The following RBFOX1 variants were observed in gnomAD, a reference collection of about 807,000 sequenced individuals.
RBFOX1 encodes RNA binding fox-1 homolog 1.
In RBFOX1, 8 loss-of-function variants were observed where a neutral mutation model predicts 57.7. The ratio of observed to expected loss-of-function variants is 0.14; its 90% CI spans 0.08 to 0.25. RBFOX1 has a LOEUF of 0.25. Among genes scored for constraint, RBFOX1 ranks in the 10% least tolerant of loss-of-function variants. The pLI, the probability that RBFOX1 is intolerant of heterozygous loss-of-function variation, is 1.00. For synonymous variants in RBFOX1, 326 were observed against 222.4 expected (o/e 1.47, Z -4.15); for missense variants, 611 against 548.5 (o/e 1.11, Z -1.14).
chr16:6,941,568 A>T lies in RBFOX1; in HGVS notation c.-15-110489A>T, dbSNP rs1352323046. ...CACACCTGTCCACCAAGAGACTTGA[A>T]ATTCCAACAGGGAATCTCCTCTACC... On this transcript the variant is annotated intron_variant, in intron 3 of 15. Transcript: ENST00000550418. 2.0e-5 allele frequency among the ~76,000 whole-genome samples: 3 copies of T among 151,818 alleles called. No individual in the cohort carries two copies. The East Asian group carries it at 5.8e-4, about 30-fold the overall frequency.
At chr16:5,756,945 A>G (rs1038017693) in intron 3 of RBFOX1, among the ~76,000 whole-genome samples, 26 of 152,238 alleles carry the variant, frequency 1.7e-4, no homozygotes, top group African/African-American at 6.3e-4. Flanking sequence ...CCTTAACTGT[A>G]TTATCTTAAC....
intron 1 of RBFOX1, among the ~76,000 whole-genome samples, chr16:5,356,873 G>A (rs1050408298): frequency 3.3e-5 from 5 of 152,160 alleles, no homozygotes; most frequent in Admixed American, 6.5e-5. Flanking sequence ...GTTTATAATA[G>A]CAATGATAGC....
intron 1 of RBFOX1, among the ~76,000 whole-genome samples, chr16:6,081,028 C>CT (rs2095993245): frequency 6.6e-6 from 1 of 152,152 alleles, no homozygotes; most frequent in Middle Eastern, 3.2e-3. Context: ...ATTTTATTTA[C>CT]TTGACGGAGT....
At chr16:7,704,485 G>T (rs556697584) in intron 14 of RBFOX1, among the ~76,000 whole-genome samples, 2 of 152,136 alleles carry the variant, frequency 1.3e-5, no homozygotes, top group African/African-American at 2.4e-5. Context: ...TTCAAAAAGC[G>T]TATCTGAATG....
intron 5 of RBFOX1, among the ~76,000 whole-genome samples, chr16:7,545,000 C>A (rs571121371): frequency 6.6e-6 from 1 of 152,160 alleles, no homozygotes; most frequent in Non-Finnish European, 1.5e-5. Flanking sequence ...GTGAACAGAG[C>A]TGTTGTGAGG....
At chr16:5,572,604 C>T (rs1005285519) in intron 2 of RBFOX1, among the ~76,000 whole-genome samples, 1 of 152,152 alleles carries the variant, frequency 6.6e-6, no homozygotes, top group Non-Finnish European at 1.5e-5. Flanking sequence ...AGGTTGAGAA[C>T]CCCTGATCTG....
Position 7,217,605 on chromosome 16 carries a change from G to C in RBFOX1, c.27+165507G>C, listed in dbSNP as rs2152827595. On this transcript the variant is annotated intron_variant, in intron 4 of 15. Transcript: ENST00000550418. ...AAAGGGTCATGAGAGGCCTGGTTCT[G>C]AGAATATAATCAATTACTTGGCTTG... is the stretch of plus-strand genomic sequence containing the variant. Among the ~76,000 whole-genome samples the C allele has an allele frequency of 1.3e-5, 2 of 152,068 alleles. 1 individual carries two copies. Among genetic ancestry groups the C allele is most frequent in the South Asian group, 4.2e-4 (2 of 4,808 alleles).
At chr16:7,434,548 C>G (rs1020357335) in intron 4 of RBFOX1, among the ~76,000 whole-genome samples, 2 of 151,728 alleles carry the variant, frequency 1.3e-5, no homozygotes, top group African/African-American at 4.8e-5. Context: ...GGAAATAAGA[C>G]AGAGGCCCAA....
chr16:5,467,516 C>T (rs1269239933), intron 2 of RBFOX1, among the ~76,000 whole-genome samples: 1 of 152,100 alleles, frequency 6.6e-6, no homozygotes, highest in Non-Finnish European at 1.5e-5. Context: ...GGTAGGCAGG[C>T]AGTTAAACAG....
At chr16:6,149,774 C>T (rs2096784780) in intron 1 of RBFOX1, among the ~76,000 whole-genome samples, 1 of 152,196 alleles carries the variant, frequency 6.6e-6, no homozygotes, top group South Asian at 2.1e-4. Flanking sequence ...CTCTTACCTG[C>T]ACTTTAGCAA....
At chr16:6,549,039 C>T (rs934180869) in intron 2 of RBFOX1, among the ~76,000 whole-genome samples, 18 of 145,560 alleles carry the variant, frequency 1.2e-4, no homozygotes, top group African/African-American at 4.4e-4. Flanking sequence ...CATGCCACTG[C>T]ACTCCAGCCT....
chr16:6,720,398 A>G (rs1209030947), intron 3 of RBFOX1, among the ~76,000 whole-genome samples: 1 of 152,264 alleles, frequency 6.6e-6, no homozygotes, highest in Middle Eastern at 3.4e-3. Context: ...AGAACTGTGA[A>G]CCATGTAAAT....
At chr16:6,615,747 A>G (rs2098132530) in intron 2 of RBFOX1, among the ~76,000 whole-genome samples, 2 of 152,142 alleles carry the variant, frequency 1.3e-5, no homozygotes, top group South Asian at 4.1e-4. Context: ...CTCTCTATAT[A>G]GCTTCCGTCT....
chr16:7,508,861 T>A (rs942506531), intron 4 of RBFOX1, among the ~76,000 whole-genome samples: 1 of 152,172 alleles, frequency 6.6e-6, no homozygotes, highest in African/African-American at 2.4e-5. Flanking sequence ...TAGGGGAAGA[T>A]CTCTCTTTCC....
intron 4 of RBFOX1, among the ~76,000 whole-genome samples, chr16:5,886,404 A>G (rs76001178): frequency 6.6e-6 from 1 of 152,320 alleles, no homozygotes; most frequent in African/African-American, 2.4e-5. Flanking sequence ...ACCAATCTCA[A>G]GAGGAGTTCT....
intron 1 of RBFOX1, among the ~76,000 whole-genome samples, chr16:6,270,709 C>G (rs765015420): frequency 6.6e-6 from 1 of 152,100 alleles, no homozygotes; most frequent in Admixed American, 6.5e-5. Flanking sequence ...ACAATGCAAC[C>G]ATTATCCATC....
At chr16:7,116,575 T>G (rs1350178184) in intron 4 of RBFOX1, among the ~76,000 whole-genome samples, 1 of 152,154 alleles carries the variant, frequency 6.6e-6, no homozygotes, top group African/African-American at 2.4e-5. Flanking sequence ...CATTAAAGCT[T>G]AAACTAAACC....
chr16:6,101,199 A>C (rs1308911074), intron 1 of RBFOX1, among the ~76,000 whole-genome samples: 5 of 152,204 alleles, frequency 3.3e-5, no homozygotes, highest in Admixed American at 3.3e-4. Context: ...TAAAGGCTGG[A>C]GTCTCCGGAC....
At chr16:6,274,965 C>T (rs1381257832) in intron 1 of RBFOX1, among the ~76,000 whole-genome samples, 4 of 151,954 alleles carry the variant, frequency 2.6e-5, no homozygotes, top group African/African-American at 7.3e-5. Flanking sequence ...ACACTGATAC[C>T]GTGTGCTGTG....
Sources: allele counts gnomAD v4.1 joint callset (sites outside exome capture counted in the v4.1 genomes callset), GRCh38; gene constraint gnomAD v4.1.1; transcripts MANE v1.5; gene names NCBI Gene and HGNC (gene_info 2026-07-23, HGNC 2026-07-21).